The following ADGRG6 variants were observed in gnomAD, a reference collection of about 807,000 sequenced individuals.
The protein encoded by ADGRG6 is G-protein coupled receptor 126.
A neutral mutation model predicts 142.4 loss-of-function variants in ADGRG6; 84 were observed. That is an observed-to-expected ratio of 0.59 (90% confidence interval 0.49 to 0.71). The LOEUF is 0.71. Among genes scored for constraint, ADGRG6 ranks in the 30% least tolerant of loss-of-function variants. The pLI, the probability that ADGRG6 is intolerant of heterozygous loss-of-function variation, is 0.00. For synonymous variants in ADGRG6, 521 were observed against 520.5 expected (o/e 1.00, Z -0.01); for missense variants, 1,367 against 1,466.6 (o/e 0.93, Z 1.11).
chr6:142,361,310 C>T (rs1780702925), intron 2 of ADGRG6, among the ~76,000 whole-genome samples: 1 of 152,066 alleles, frequency 6.6e-6, no homozygotes, highest in Admixed American at 6.6e-5. Context: ...ATTAATCATC[C>T]AAGAATTTCG....
At position 142,419,905 on chromosome 6, in the gene ADGRG6, C is replaced by G. The variant is rs1460403619; in HGVS notation, c.3120C>G (p.Phe1040Leu). The G allele has an allele frequency of 2.1e-5, 34 of 1,612,556 alleles. No individual in the cohort carries two copies. Among genetic ancestry groups the G allele is most frequent in the Non-Finnish European group, 2.7e-5 (32 of 1,178,982 alleles). The stretch of plus-strand genomic sequence containing the variant: ...TGTTTTTTCTGAACATTGCCATGTT[C>G]ATTGTGGTAATGGTGCAGATCTGTG... ...GVMFFLNIAMFIVVMVQICGR... is the reference protein window; with the variant it reads ...GVMFFLNIAMLIVVMVQICGR... Residue 1040 changes from phenylalanine (F) to leucine (L), a missense_variant, in exon 22 of 25, where the codon TTC becomes TTG. Transcript: ENST00000367609.
intron 6 of ADGRG6, among the ~76,000 whole-genome samples, chr6:142,386,105 A>G (rs747598388): frequency 4.6e-5 from 7 of 152,234 alleles, no homozygotes; most frequent in Non-Finnish European, 8.8e-5. Flanking sequence ...TATATTTATC[A>G]TAGTATATCA....
At chr6:142,396,571 A>G (rs1775207370) in intron 9 of ADGRG6, among the ~76,000 whole-genome samples, 1 of 152,288 alleles carries the variant, frequency 6.6e-6, no homozygotes, top group East Asian at 1.9e-4. Flanking sequence ...TCATAGTTTC[A>G]TAAATAAAAT....
intron 11 of ADGRG6, 108 bp downstream of exon 11, chr6:142,400,704 G>A (rs906163353): frequency 1.5e-6 from 1 of 666,868 alleles, no homozygotes; most frequent in Non-Finnish European, 2.7e-6. Flanking sequence ...GCAAAGAAGG[G>A]CAGGAATCTC....
intron 18 of ADGRG6, 55 bp downstream of exon 18, chr6:142,411,466 C>T (rs1776081654): frequency 1.2e-6 from 1 of 864,546 alleles, no homozygotes; most frequent in South Asian, 1.3e-5. Flanking sequence ...GGATGGCATA[C>T]TCCTTTTTTG....
At chr6:142,425,832 G>T (rs1776912652) in intron 22 of ADGRG6, among the ~76,000 whole-genome samples, 2 of 152,188 alleles carry the variant, frequency 1.3e-5, no homozygotes, top group South Asian at 4.1e-4. Flanking sequence ...GAAGCAAGGA[G>T]GAGCAAATCA....
At position 142,370,457 on chromosome 6, in the gene ADGRG6, A is replaced by AT. The variant is rs1349317802; in HGVS notation, c.738dup (p.Ala247CysfsTer5). 4.3e-6 allele frequency: 7 copies of AT among 1,613,390 alleles called. No homozygotes were observed. The highest frequency in any genetic ancestry group is 4.2e-6 in the Non-Finnish European group (5 of 1,179,368). On this transcript the variant is annotated frameshift_variant, in exon 4 of 25. Transcript: ENST00000367609. LOFTEE classifies it high-confidence loss of function. The stretch of plus-strand genomic sequence containing the variant: ...ATTACCTGTCAAAGAAAAAGAAGAC[A>AT]TTTTTGCAGAAAGCTTTGAACAGCT...
rs557716413 is a variant in ADGRG6, at chr6:142,419,972, G to T, written c.3187G>T (p.Val1063Leu). The T allele has an allele frequency of 8.2e-5, 133 of 1,613,454 alleles. No individual in the cohort carries two copies. Among genetic ancestry groups the T allele is most frequent in the Non-Finnish European group, 1.1e-4 (129 of 1,179,634 alleles). ...AAGCAACCGGACCCTGAGAGAAGAA[G>T]TGTTAAGGAACCTGCGCAGTGTGGT... is the stretch of plus-strand genomic sequence containing the variant. ...KRSNRTLREE[V>L]LRNLRSVVSL... Residue 1063 changes from valine (V) to leucine (L), a missense_variant, in exon 22 of 25, where the codon GTG becomes TTG. By Grantham distance (32) the Val-to-Leu change is conservative. This residue lies in a region of ADGRG6 where 344 missense variants were observed against 348.7 expected (regional missense o/e 0.99). Transcript: ENST00000367609.
chr6:142,439,715 G>A (rs772277429), intron 24 of ADGRG6, among the ~76,000 whole-genome samples: 10 of 152,144 alleles, frequency 6.6e-5, no homozygotes, highest in Non-Finnish European at 1.5e-4. Context: ...ATTGAATGAA[G>A]GCTGTTGATT....
chr6:142,411,932 C>G (rs144048478), intron 18 of ADGRG6, among the ~76,000 whole-genome samples: 17 of 152,216 alleles, frequency 1.1e-4, no homozygotes, highest in African/African-American at 4.1e-4. Flanking sequence ...AGACTAGTGA[C>G]TAGGGTTAGA....
At chr6:142,303,015 G>C (rs1453596286) in intron 1 of ADGRG6, among the ~76,000 whole-genome samples, 1 of 152,202 alleles carries the variant, frequency 6.6e-6, no homozygotes, top group Non-Finnish European at 1.5e-5. Flanking sequence ...CTAATGGTGA[G>C]GTGGCGCACA....
chr6:142,335,007 A>G (rs1172423702), intron 2 of ADGRG6, among the ~76,000 whole-genome samples: 1 of 152,232 alleles, frequency 6.6e-6, no homozygotes, highest in Non-Finnish European at 1.5e-5. Flanking sequence ...GGACAAAAGC[A>G]TGTCTAGAAA....
chr6:142,331,256 CTT>C lies in ADGRG6; in HGVS notation c.103+21619_103+21620del, dbSNP rs748705705. Among the ~76,000 whole-genome samples the C allele has an allele frequency of 3.3e-5, 5 of 151,986 alleles. No individual in the cohort carries two copies. In the East Asian group the frequency reaches 9.7e-4, roughly 29 times the overall value. On this transcript the variant is annotated intron_variant, in intron 2 of 24. Coordinates refer to ENST00000367609, the MANE Select transcript of ADGRG6 (RefSeq NM_198569.3). ...TTAGATCTGAGAAGATATGCTGCCT[CTT>C]TTTTTTCACTGCCCCTCCCCTCTGA...
chr6:142,393,272 A>T (rs1441830956), intron 8 of ADGRG6, among the ~76,000 whole-genome samples: 1 of 152,114 alleles, frequency 6.6e-6, no homozygotes, highest in Non-Finnish European at 1.5e-5. Context: ...CGGATAATTA[A>T]ATATAAATAG....
intron 2 of ADGRG6, among the ~76,000 whole-genome samples, chr6:142,310,888 C>CT (rs1346068897): frequency 1.3e-5 from 2 of 151,776 alleles, no homozygotes; most frequent in African/African-American, 4.8e-5. Context: ...AAGTGATTCT[C>CT]TAAGAATCAA....
intron 2 of ADGRG6, among the ~76,000 whole-genome samples, chr6:142,318,664 A>G (rs1273969017): frequency 2.0e-5 from 3 of 151,758 alleles, no homozygotes; most frequent in Admixed American, 6.6e-5. Flanking sequence ...TCTGATGACA[A>G]CAGAAAGGGA....
At chr6:142,318,656 T>C (rs1778364902) in intron 2 of ADGRG6, among the ~76,000 whole-genome samples, 1 of 151,542 alleles carries the variant, frequency 6.6e-6, no homozygotes. Flanking sequence ...CTGTGTCTTC[T>C]GATGACAACA....
chr6:142,305,429 TACACACACACACACACACACAC>T (rs5880531), intron 1 of ADGRG6, among the ~76,000 whole-genome samples: 2 of 120,792 alleles, frequency 1.7e-5, no homozygotes, highest in Admixed American at 8.2e-5. Context: ...GCCCCTCCTG[TACACACACACACACACACACAC>T]ACACACACAC....
intron 2 of ADGRG6, among the ~76,000 whole-genome samples, chr6:142,315,662 C>T (rs1030477855): frequency 2.0e-5 from 3 of 151,852 alleles, no homozygotes; most frequent in African/African-American, 7.3e-5. Context: ...GAAACCCCGA[C>T]TCTACTAAAA....
Sources: allele counts gnomAD v4.1 joint callset (sites outside exome capture counted in the v4.1 genomes callset), GRCh38; gene constraint gnomAD v4.1.1; regional missense constraint gnomAD v4.1.1; transcripts MANE v1.5; gene names NCBI Gene and HGNC (gene_info 2026-07-23, HGNC 2026-07-21).